The following COL25A1 variants were observed in gnomAD, a reference collection of about 807,000 sequenced individuals.
COL25A1 encodes the protein collagen alpha-1(XXV) chain.
In COL25A1, 103 loss-of-function variants were observed where a neutral mutation model predicts 128.4. The ratio of observed to expected loss-of-function variants is 0.80; its 90% CI spans 0.68 to 0.94. COL25A1 has a LOEUF of 0.94. Ranked by LOEUF, COL25A1 falls within the 40% of genes least tolerant of loss-of-function variation. The probability of loss-of-function intolerance (pLI) is 0.00; values close to 1 mark genes in which losing one functional copy is unlikely to be tolerated. For missense variants in COL25A1, 745 were observed against 840.0 expected (o/e 0.89, Z 1.40); for synonymous variants, 279 against 277.2 (o/e 1.01, Z -0.06).
chr4:109,096,415 T>C (rs1765402648), intron 3 of COL25A1, among the ~76,000 whole-genome samples: 1 of 146,434 alleles, frequency 6.8e-6, no homozygotes. Flanking sequence ...TATGTTTAGA[T>C]ACACAAATAC....
At chr4:109,016,003 GC>G (rs1757173626) in intron 5 of COL25A1, among the ~76,000 whole-genome samples, 5 of 152,170 alleles carry the variant, frequency 3.3e-5, no homozygotes, top group Non-Finnish European at 7.4e-5. Flanking sequence ...CAGGATCCCT[GC>G]CCCCTACTGA....
At chr4:109,139,629 T>C (rs1254578723) in intron 3 of COL25A1, among the ~76,000 whole-genome samples, 1 of 152,188 alleles carries the variant, frequency 6.6e-6, no homozygotes, top group Non-Finnish European at 1.5e-5. Flanking sequence ...ATCAGATGGT[T>C]GTAGATGTGT....
intron 3 of COL25A1, among the ~76,000 whole-genome samples, chr4:109,174,906 C>A (rs1773946604): frequency 6.6e-6 from 1 of 152,186 alleles, no homozygotes; most frequent in South Asian, 2.1e-4. Context: ...GCATTACCGC[C>A]TGAGCTCTGC....
chr4:109,048,125 C>A lies in COL25A1; in HGVS notation c.420+43G>T, dbSNP rs755227344. 8 of 1,601,308 alleles carry A rather than the reference C, an allele frequency of 5.0e-6. No homozygotes were observed. In the African/African-American group the frequency reaches 1.1e-4, roughly 21 times the overall value. On this transcript the variant is annotated intron_variant, in intron 5 of 37. Coordinates refer to ENST00000399132, the MANE Select transcript of COL25A1 (RefSeq NM_198721.4). ...TTAACAAAGTTTTAACATACACAAT[C>A]CTGATAAATGCAAACAAGCCAAAGT...
chr4:108,940,746 C>T, intron 9 of COL25A1, 100 bp from the exon 10 acceptor site: 2 of 749,850 alleles, frequency 2.7e-6, no homozygotes, highest in Non-Finnish European at 4.2e-6. Flanking sequence ...TTCACATTTA[C>T]ACTATGAAAA....
chr4:109,139,189 G>A (rs1328748202), intron 3 of COL25A1, among the ~76,000 whole-genome samples: 2 of 129,750 alleles, frequency 1.5e-5, no homozygotes, highest in African/African-American at 5.1e-5. Flanking sequence ...TTTTTTCCTT[G>A]TAAATTTGTT....
intron 3 of COL25A1, 70 bp downstream of exon 3, chr4:109,300,513 A>C (rs1019224258): frequency 9.6e-7 from 1 of 1,038,942 alleles, no homozygotes; most frequent in Non-Finnish European, 1.5e-6. Flanking sequence ...GGTAGACTTG[A>C]CAGACACAGG....
intron 15 of COL25A1, among the ~76,000 whole-genome samples, chr4:108,897,006 C>T (rs1391689741): frequency 6.6e-6 from 1 of 152,202 alleles, no homozygotes. Flanking sequence ...TGTCTCTGCT[C>T]AAAGCTCCAC....
In COL25A1 at chr4:108,813,078, T is replaced by A. The variant is rs887146098; in HGVS notation, c.*849A>T. ...TAAACCTCTTTCCTACTTGGTCACA[T>A]GAGAGGCAGTGCTGGAGGCTGAATC... On this transcript the variant is annotated 3_prime_UTR_variant, in exon 38 of 38. Coordinates refer to ENST00000399132, the MANE Select transcript of COL25A1 (RefSeq NM_198721.4). 1 of 152,282 alleles carries A rather than the reference T, an allele frequency of 6.6e-6. No homozygotes were observed. The highest frequency in any genetic ancestry group is 6.5e-5 in the Admixed American group (1 of 15,280). The allele number at this position is 152,282 out of a possible 1,614,324, so 9.4% of individuals were successfully genotyped here.
rs115047616 is a variant in COL25A1, at chr4:109,021,082, T to C, written c.421-10707A>G. On this transcript the variant is annotated intron_variant, in intron 5 of 37. Coordinates refer to ENST00000399132, the MANE Select transcript of COL25A1 (RefSeq NM_198721.4). ...GCTCCCAGTCAGCCACTCAGTCACA[T>C]AGGTAAACAACCAATACTCTACTGT... Among the ~76,000 whole-genome samples the C allele has an allele frequency of 2.2e-3, 331 of 152,324 alleles. 1 individual carries two copies. Among genetic ancestry groups the C allele is most frequent in the African/African-American group, 7.5e-3 (312 of 41,568 alleles).
At chr4:108,897,705 C>T (rs1742309348) in intron 15 of COL25A1, among the ~76,000 whole-genome samples, 2 of 152,180 alleles carry the variant, frequency 1.3e-5, no homozygotes, top group Admixed American at 1.3e-4. Flanking sequence ...GGAATGCAGT[C>T]ACTTTTCTAT....
intron 37 of COL25A1, 128 bp from the exon 38 acceptor site, chr4:108,814,057 T>C (rs1731023512): frequency 3.0e-6 from 2 of 671,068 alleles, no homozygotes; most frequent in Non-Finnish European, 5.2e-6. Context: ...ACTGACTGGC[T>C]ATCAATGAGC....
chr4:109,058,347 T>G (rs1483113353), intron 3 of COL25A1, among the ~76,000 whole-genome samples: 3 of 152,122 alleles, frequency 2.0e-5, no homozygotes, highest in Non-Finnish European at 4.4e-5. Context: ...ATAGGAAAGA[T>G]ATGATTCTTT....
chr4:109,026,176 T>A (rs1225080258), intron 5 of COL25A1, among the ~76,000 whole-genome samples: 4 of 149,638 alleles, frequency 2.7e-5, no homozygotes, highest in Non-Finnish European at 5.9e-5. Context: ...TAGGAAATAA[T>A]TCACCTGGGT....
chr4:108,913,689 G>A (rs1196810645), intron 13 of COL25A1, among the ~76,000 whole-genome samples: 3 of 152,132 alleles, frequency 2.0e-5, no homozygotes. Flanking sequence ...AAAATGCAGA[G>A]TTTTAATAAC....
rs145612309 is a variant in COL25A1 at position 109,209,703 on chromosome 4, T to G, written c.367+90880A>C. ...ATAACTCACAGAAAGGAGTATATAA[T>G]GTCCCCACTGTTTACTACTGTATCT... On this transcript the variant is annotated intron_variant, in intron 3 of 37. Coordinates refer to ENST00000399132, the MANE Select transcript of COL25A1 (RefSeq NM_198721.4). Among the ~76,000 whole-genome samples the G allele has an allele frequency of 3.0e-3, 455 of 152,256 alleles. 1 individual carries two copies. The highest frequency in any genetic ancestry group is 0.01 in the African/African-American group (422 of 41,560).
rs772073470 is a variant in COL25A1 at position 108,862,554 on chromosome 4, G to T, written c.1153-9C>A. ...GATTCACCTTGTTTCCCCTATTACAGCAGAATAAGAGGATGAAAAAGATAA... is the reference window on the plus strand; with the variant it reads ...GATTCACCTTGTTTCCCCTATTACATCAGAATAAGAGGATGAAAAAGATAA... On this transcript the variant is annotated splice_polypyrimidine_tract_variant and intron_variant, in intron 21 of 37. Transcript: ENST00000399132. 6.2e-7 allele frequency: 1 copy of T among 1,608,214 alleles called. No homozygotes were observed. Among genetic ancestry groups the T allele is most frequent in the East Asian group, 2.2e-5 (1 of 44,806 alleles).
rs1736939024 is a variant in COL25A1, at chr4:108,859,688, C to G, written c.1288G>C (p.Asp430His). ...GCTTCGTGGAGGTTGCCGTTGTAGT[C>G]TATGATCTCAGTGGCTCCTTGATCC... ...KGDQGATEII[D>H]YNGNLHEALQ... The change falls in exon 24 of 38, where the codon GAC (aspartate) becomes CAC (histidine). Residue 430 changes from aspartate (D) to histidine (H), a missense_variant. This residue lies in a region of COL25A1 where 387 missense variants were observed against 441.9 expected (regional missense o/e 0.88). Coordinates refer to ENST00000399132, the MANE Select transcript of COL25A1 (RefSeq NM_198721.4). 1.2e-6 allele frequency: 2 copies of G among 1,613,854 alleles called. No homozygotes were observed. Among genetic ancestry groups the G allele is most frequent in the Non-Finnish European group, 1.7e-6 (2 of 1,179,912 alleles).
intron 19 of COL25A1, among the ~76,000 whole-genome samples, chr4:108,879,609 G>A (rs578035140): frequency 2.0e-5 from 3 of 151,818 alleles, no homozygotes; most frequent in Non-Finnish European, 4.4e-5. Flanking sequence ...CACCACACTC[G>A]GGTATTTTTG....
Sources: gnomAD v4.1 joint callset for allele counts (sites outside exome capture counted in the v4.1 genomes callset) on GRCh38, gnomAD v4.1.1 for gene constraint, gnomAD v4.1.1 regional missense constraint, MANE v1.5 for transcripts, NCBI Gene and HGNC (gene_info 2026-07-23, HGNC 2026-07-21) for gene names.